ZNF142: variants seen among roughly 807,000 people sequenced by gnomAD.
ZNF142 encodes zinc finger protein 142 (clone pHZ-49).
A neutral mutation model predicts 132.1 loss-of-function variants in ZNF142; 96 were observed. The observed-to-expected ratio is 0.73, with a 90% confidence interval of 0.62 to 0.86. The LOEUF is 0.86. Ranked by LOEUF, ZNF142 falls within the 40% of genes least tolerant of loss-of-function variation. The pLI, the probability that ZNF142 is intolerant of heterozygous loss-of-function variation, is 0.00. For missense variants in ZNF142, 2,163 were observed against 2,336.2 expected, an observed-to-expected ratio of 0.93 and a Z score of 1.53; for synonymous variants, 842 against 890.1, an observed-to-expected ratio of 0.95 and a Z score of 0.96.
At position 218,635,204 on chromosome 2, in the gene ZNF142, G is replaced by T. The variant is rs1443313029; in HGVS notation, c.*3135C>A. ...GGTCACTTTAGCCCAGGAGATGGAG[G>T]TTGCAGTGAGCTATGACTGCCCCAC... On this transcript the variant is annotated 3_prime_UTR_variant, in exon 11 of 11. Transcript: ENST00000411696. Among the ~76,000 whole-genome samples the T allele has an allele frequency of 6.6e-6, 1 of 151,966 alleles. No homozygotes were observed. Among genetic ancestry groups the T allele is most frequent in the African/African-American group, 2.4e-5 (1 of 41,360 alleles).
Position 218,650,537 on chromosome 2 carries a change from A to C in ZNF142, c.881-11T>G, listed in dbSNP as rs756300269. ...GAGGCAGTTTGGGAGCTGGAGATACATAAAACTTGATAAAGTCTACAGGAG... is the reference window on the plus strand; with the variant it reads ...GAGGCAGTTTGGGAGCTGGAGATACCTAAAACTTGATAAAGTCTACAGGAG... On this transcript the variant is annotated splice_polypyrimidine_tract_variant and intron_variant, in intron 5 of 10. Coordinates refer to ENST00000411696, the MANE Select transcript of ZNF142 (RefSeq NM_001379659.1). 3 of 1,551,636 alleles carry C rather than the reference A, an allele frequency of 1.9e-6. No homozygotes were observed. In the Admixed American group the frequency reaches 6.1e-5, roughly 31 times the overall value.
In ZNF142 at chr2:218,644,965, A is replaced by G; in HGVS notation, c.2151T>C (p.Cys717=). The G allele has an allele frequency of 6.2e-7, 1 of 1,614,170 alleles. No individual in the cohort carries two copies. The highest frequency in any genetic ancestry group is 8.5e-7 in the Non-Finnish European group (1 of 1,180,020). The part of the protein sequence containing the change: ...HQGKSLMCEV[C]AFACKRKYEL... Reference sequence around the variant, plus strand: ...CATACTTCCGCTTGCAGGCGAAGGCACACACCTCACACATCAGAGACTTGC... The same window carrying G: ...CATACTTCCGCTTGCAGGCGAAGGCGCACACCTCACACATCAGAGACTTGC... The change falls in exon 9 of 11, where the codon TGT becomes TGC. Residue 717 remains cysteine (C), a synonymous_variant. Coordinates refer to ENST00000411696, the MANE Select transcript of ZNF142 (RefSeq NM_001379659.1). This position sits in a 1 kb window ranked among gnomAD's most constrained non-coding sequence, Gnocchi z 4.6.
rs1240669688 is a variant in ZNF142 at position 218,644,294 on chromosome 2, C to A, written c.2822G>T (p.Ser941Ile). 1.2e-6 allele frequency: 2 copies of A among 1,614,150 alleles called. No homozygotes were observed. The highest frequency in any genetic ancestry group is 1.7e-6 in the Non-Finnish European group (2 of 1,180,012). The stretch of plus-strand genomic sequence containing the variant: ...GTCAGAAGTCCCAATACCTTCAAAG[C>A]TAGATAGCTCTGGTCCTTCCAGTCC... Reference protein sequence around the residue: ...PDGLEGPELSSFEGIGTSDLS... With the variant: ...PDGLEGPELSIFEGIGTSDLS... The change falls in exon 9 of 11, where the codon AGC (serine) becomes ATC (isoleucine). Residue 941 changes from serine to isoleucine, a missense_variant. Ser to Ile is a moderately radical substitution (Grantham distance 142). Transcript: ENST00000411696. The surrounding 1 kb of genome is among the most constrained non-coding windows in gnomAD (Gnocchi z 4.6).
Position 218,638,262 on chromosome 2 carries a change from C to A in ZNF142, c.*77G>T. ...AGCCAGTCTTTCCTTAGGCTCTGAG[C>A]TCCTCAGGCTAGCGCTGGTCCCAGT... On this transcript the variant is annotated 3_prime_UTR_variant, in exon 11 of 11. Coordinates refer to ENST00000411696, the MANE Select transcript of ZNF142 (RefSeq NM_001379659.1). The A allele has an allele frequency of 7.4e-7, 1 of 1,356,304 alleles. No individual in the cohort carries two copies. Among genetic ancestry groups the A allele is most frequent in the Non-Finnish European group, 9.6e-7 (1 of 1,039,018 alleles). The allele number at this position is 1,356,304 out of a possible 1,614,324, so 84.0% of individuals were successfully genotyped here. A position where few individuals can be genotyped will look rare whatever the true frequency, so the allele number is the denominator to read the frequency against.
chr2:218,647,136 C>T (rs761946030), intron 7 of ZNF142, among the ~76,000 whole-genome samples: 21 of 151,990 alleles, frequency 1.4e-4, no homozygotes, highest in Non-Finnish European at 2.1e-4. Context: ...AAAAATTCCT[C>T]CTCTCGGCCG....
At position 218,644,616 on chromosome 2, in the gene ZNF142, A is replaced by G; in HGVS notation, c.2500T>C (p.Ser834Pro). Reference protein sequence around the residue: ...PPDSEPSNQLSARPEGPGHEP... With the variant: ...PPDSEPSNQLPARPEGPGHEP... The stretch of plus-strand genomic sequence containing the variant: ...TGACCTGGCCCCTCAGGTCGGGCTG[A>G]CAGCTGGTTTGAGGGCTCTGAATCT... The change falls in exon 9 of 11, where the codon TCA (serine) becomes CCA (proline). Residue 834 changes from serine (S) to proline (P), a missense_variant. Physicochemically the swap from Ser to Pro is moderately conservative, Grantham distance 74. This residue lies in a region of ZNF142 where 749 missense variants were observed against 830.3 expected (regional missense o/e 0.90). Transcript: ENST00000411696. The surrounding 1 kb of genome is among the most constrained non-coding windows in gnomAD (Gnocchi z 4.6). 1 of 1,614,148 alleles carries G rather than the reference A, an allele frequency of 6.2e-7. No homozygotes were observed. The highest frequency in any genetic ancestry group is 8.5e-7 in the Non-Finnish European group (1 of 1,180,016).
intron 8 of ZNF142, 140 bp downstream of exon 8, chr2:218,646,031 G>T: frequency 8.6e-7 from 1 of 1,166,506 alleles, no homozygotes; most frequent in Non-Finnish European, 1.2e-6. Flanking sequence ...GGGATTACAG[G>T]TGTGAGCCAT....
At position 218,650,481 on chromosome 2, in the gene ZNF142, C is replaced by G. The variant is rs375294502; in HGVS notation, c.926G>C (p.Gly309Ala). 2.9e-4 allele frequency: 461 copies of G among 1,609,102 alleles called. 1 individual carries two copies. The highest frequency in any genetic ancestry group is 3.8e-4 in the Non-Finnish European group (442 of 1,177,988). ...PGEREPSQEA[G>A]TPLPGQETAE... ...TGTCTCCTGCCCAGGCAAGGGTGTA[C>G]CTGCTTCCTGTGAAGGTTCTCTCTC... Residue 309 changes from glycine to alanine, a missense_variant, in exon 6 of 11, where the codon GGT (glycine) becomes GCT (alanine). Around this residue, in one of 7 missense-constraint regions of ZNF142, gnomAD observed 749 missense variants for 830.3 expected, o/e 0.90. Coordinates refer to ENST00000411696, the MANE Select transcript of ZNF142 (RefSeq NM_001379659.1).
Position 218,642,553 on chromosome 2 carries a change from T to C in ZNF142, c.4563A>G (p.Ala1521=), listed in dbSNP as rs376559632. 4.3e-6 allele frequency: 7 copies of C among 1,612,882 alleles called. No individual in the cohort carries two copies. In the African/African-American group the frequency reaches 6.7e-5, roughly 15 times the overall value. Residue 1521 remains alanine (A), a synonymous_variant, in exon 9 of 11, where the codon GCA becomes GCG. Coordinates refer to ENST00000411696, the MANE Select transcript of ZNF142 (RefSeq NM_001379659.1). The surrounding 1 kb of genome is among the most constrained non-coding windows in gnomAD (Gnocchi z 4.6). ...AGTGCAGGGGGCCCTCAGTGGTCTCTGCAGGAGAGCCAGGGGCAGGCTGTG... is the reference window on the plus strand; with the variant it reads ...AGTGCAGGGGGCCCTCAGTGGTCTCCGCAGGAGAGCCAGGGGCAGGCTGTG... ...EPAQPAPGSP[A]ETTEGPLHCS...
rs34502703 is a variant in ZNF142 at position 218,640,930 on chromosome 2, AT to A, written c.5089-162del. 0.072 allele frequency among the ~76,000 whole-genome samples: 9,716 copies of A among 135,036 alleles called. 451 individuals are homozygous for A. Among genetic ancestry groups the A allele is most frequent in the East Asian group, 0.16 (747 of 4,676 alleles). The allele number at this position is 135,036 out of a possible 152,430, so 88.6% of individuals were successfully genotyped here. A position where few individuals can be genotyped will look rare whatever the true frequency, so the allele number is the denominator to read the frequency against. Reference sequence around the variant, plus strand: ...TTAATCTTCAGTTTACTTGCTAGGGATTTTTTTTTTTTTTTTTTTAAAGAGA... The same window carrying A: ...TTAATCTTCAGTTTACTTGCTAGGGATTTTTTTTTTTTTTTTTTAAAGAGA... On this transcript the variant is annotated intron_variant, in intron 9 of 10. Transcript: ENST00000411696.
At position 218,633,857 on chromosome 2, in the gene ZNF142, G is replaced by C. The variant is rs1478300456; in HGVS notation, c.*4482C>G. The C allele has an allele frequency of 1.4e-6, 2 of 1,441,532 alleles. No individual in the cohort carries two copies. The highest frequency in any genetic ancestry group is 1.9e-6 in the Non-Finnish European group (2 of 1,048,306). The allele number at this position is 1,441,532 out of a possible 1,614,324, so 89.3% of individuals were successfully genotyped here. ...AAGTCCCAAGAAAAAAGACAAGGTA[G>C]CTAAGGAGAGATGAAGGAGTTCAGA... On this transcript the variant is annotated 3_prime_UTR_variant, in exon 11 of 11. Transcript: ENST00000411696.
rs1417810903 is a variant in ZNF142 at position 218,644,412 on chromosome 2, C to T, written c.2704G>A (p.Val902Ile). Reference sequence around the variant, plus strand: ...GGCTCAGTCACAGACTCCAGCTCTACTCCCAGGGCCTCTAGGTGTAGTGTG... The same window carrying T: ...GGCTCAGTCACAGACTCCAGCTCTATTCCCAGGGCCTCTAGGTGTAGTGTG... ...SCTLHLEALG[V>I]ELESVTEPPL... Residue 902 changes from valine to isoleucine, a missense_variant, in exon 9 of 11, where the codon GTA becomes ATA. Transcript: ENST00000411696. This position sits in a 1 kb window ranked among gnomAD's most constrained non-coding sequence, Gnocchi z 4.6. 2 of 1,614,128 alleles carry T rather than the reference C, an allele frequency of 1.2e-6. No homozygotes were observed. Among genetic ancestry groups the T allele is most frequent in the Admixed American group, 1.7e-5 (1 of 60,028 alleles).
intron 4 of ZNF142, among the ~76,000 whole-genome samples, chr2:218,655,848 T>C (rs1018151447): frequency 1.3e-5 from 2 of 152,100 alleles, no homozygotes; most frequent in Non-Finnish European, 2.9e-5. Context: ...CTCCAAGGAC[T>C]GTAAGAGTAG....
intron 8 of ZNF142, 79 bp from the exon 9 acceptor site, chr2:218,645,143 G>GCAGAGCCT: frequency 6.5e-7 from 1 of 1,526,728 alleles, no homozygotes; most frequent in Non-Finnish European, 8.8e-7. Flanking sequence ...TACTTACTGT[G>GCAGAGCCT]GGCCAGGCTC....
chr2:218,638,837 A>C (rs1160925370), intron 10 of ZNF142, 29 bp from the exon 11 acceptor site: 2 of 1,542,270 alleles, frequency 1.3e-6, no homozygotes, highest in East Asian at 4.6e-5. Context: ...ATCACCATTG[A>C]AAGGCGGTGG....
At position 218,649,206 on chromosome 2, in the gene ZNF142, G is replaced by A; in HGVS notation, c.1302C>T (p.Leu434=). Residue 434 remains leucine (L), a synonymous_variant, in exon 7 of 11, where the codon CTC becomes CTT. Coordinates refer to ENST00000411696, the MANE Select transcript of ZNF142 (RefSeq NM_001379659.1). ...CHYSAVERNA[L]NRHMASMHED... Reference sequence around the variant, plus strand: ...CATGCATGCTGGCCATGTGGCGGTTGAGTGCATTCCTCTCCACCGCACTGT... The same window carrying A: ...CATGCATGCTGGCCATGTGGCGGTTAAGTGCATTCCTCTCCACCGCACTGT... 1.9e-6 allele frequency: 3 copies of A among 1,614,254 alleles called. No individual in the cohort carries two copies. The highest frequency in any genetic ancestry group is 2.2e-5 in the East Asian group (1 of 44,882).
rs757471919 is a variant in ZNF142 at position 218,633,609 on chromosome 2, C to T, written c.*4730G>A. The T allele has an allele frequency of 1.9e-6, 3 of 1,613,396 alleles. No homozygotes were observed. The highest frequency in any genetic ancestry group is 2.5e-6 in the Non-Finnish European group (3 of 1,179,350). On this transcript the variant is annotated 3_prime_UTR_variant, in exon 11 of 11. Coordinates refer to ENST00000411696, the MANE Select transcript of ZNF142 (RefSeq NM_001379659.1). ...CTTCTTTTCCACCTTCTCCAGAAAT[C>T]CAAGCCCATCTTGTGTCCAGCCCTC...
rs1323016885 is a variant in ZNF142 at position 218,650,390 on chromosome 2, CACAG to C, written c.1013_1016del (p.Ala338GlyfsTer130). The C allele has an allele frequency of 6.2e-7, 1 of 1,614,210 alleles. No homozygotes were observed. The highest frequency in any genetic ancestry group is 1.7e-5 in the Admixed American group (1 of 60,028). ...GCCGCTGAGCCCCTTGGCCTTTATC[CACAG>C]CCTTTTGGGAGTCCTTCTGGGTGTC... On this transcript the variant is annotated frameshift_variant, in exon 6 of 11. Transcript: ENST00000411696. LOFTEE classifies it high-confidence loss of function.
At chr2:218,648,558 C>CG (rs1200305700) in intron 7 of ZNF142, 77 bp downstream of exon 7, 1 of 1,409,778 alleles carries the variant, frequency 7.1e-7, no homozygotes, top group African/African-American at 1.4e-5. Context: ...AATGAGAAAA[C>CG]GTATGCAAGA....
Sources: allele counts gnomAD v4.1 joint callset (sites outside exome capture counted in the v4.1 genomes callset), GRCh38; gene constraint gnomAD v4.1.1; regional missense constraint gnomAD v4.1.1; non-coding constraint Gnocchi (gnomAD v3.1); transcripts MANE v1.5; gene names NCBI Gene and HGNC (gene_info 2026-07-23, HGNC 2026-07-21).